Variants in PFKFB3 observed in about 807,000 individuals in gnomAD.
PFKFB3 encodes the protein 6-phosphofructo-2-kinase/fructose-2,6-bisphosphatase 3.
PFKFB3 carries 33 observed loss-of-function variants against 68.0 expected under a neutral mutation model. The ratio of observed to expected loss-of-function variants is 0.49; its 90% confidence interval spans 0.37 to 0.65. PFKFB3 has a LOEUF of 0.65. Ranked by LOEUF, PFKFB3 falls within the 30% of genes least tolerant of loss-of-function variation. The pLI, the probability that PFKFB3 is intolerant of heterozygous loss-of-function variation, is 0.00. For missense variants in PFKFB3, 586 were observed against 712.2 expected, an observed-to-expected ratio of 0.82 and a Z score of 2.02; for synonymous variants, 315 against 288.2, an observed-to-expected ratio of 1.09 and a Z score of -0.94.
chr10:6,306,762 G>A, the PFKFB3 span, among the ~76,000 whole-genome samples: 1 of 152,166 alleles, frequency 6.6e-6, no homozygotes, highest in East Asian at 1.9e-4. Flanking sequence ...TCAGGGACCT[G>A]CCAAAGATGT....
chr10:6,318,625 G>A, the PFKFB3 span, among the ~76,000 whole-genome samples: 144 of 152,298 alleles, frequency 9.5e-4, no homozygotes, highest in African/African-American at 3.4e-3. Context: ...ACGAAGATTT[G>A]TCTGCTGCAG....
chr10:6,207,056 A>G lies in PFKFB3; in HGVS notation c.76+3720A>G, dbSNP rs372205525. Among the ~76,000 whole-genome samples, 4 of 152,074 alleles carry G rather than the reference A, an allele frequency of 2.6e-5. No individual in the cohort carries two copies. The East Asian group carries it at 7.8e-4, about 30-fold the overall frequency. On this transcript the variant is annotated intron_variant, in intron 1 of 14. Coordinates refer to ENST00000379775, the MANE Select transcript of PFKFB3 (RefSeq NM_004566.4). The stretch of plus-strand genomic sequence containing the variant: ...GGGGTGGCGGCCGGGCAGAGGCTGC[A>G]ATCTCGGCACTTTGGGAGGCCAAGG...
chr10:6,150,137 T>G (rs536975585), intron 1 of PFKFB3, among the ~76,000 whole-genome samples: 1 of 152,242 alleles, frequency 6.6e-6, no homozygotes, highest in Non-Finnish European at 1.5e-5. Flanking sequence ...AGGCATATCT[T>G]GTCCCATAAC....
intron 14 of PFKFB3, among the ~76,000 whole-genome samples, chr10:6,227,878 C>A (rs1404716689): frequency 6.6e-6 from 1 of 152,090 alleles, no homozygotes; most frequent in African/African-American, 2.4e-5. Flanking sequence ...CTGTGGCATC[C>A]GTTCTGATGG....
At chr10:6,193,498 C>G (rs1245345409) in intron 1 of PFKFB3, among the ~76,000 whole-genome samples, 1 of 152,194 alleles carries the variant, frequency 6.6e-6, no homozygotes, top group Non-Finnish European at 1.5e-5. Flanking sequence ...TCTGGTGATT[C>G]AAAGATGAAC....
intron 1 of PFKFB3, among the ~76,000 whole-genome samples, chr10:6,171,614 A>C (rs1485586812): frequency 6.6e-6 from 1 of 152,050 alleles, no homozygotes; most frequent in East Asian, 1.9e-4. Context: ...GCTGGTCTCA[A>C]ACTCCTGGAC....
At chr10:6,323,844 G>T in the PFKFB3 span, among the ~76,000 whole-genome samples, 1 of 152,186 alleles carries the variant, frequency 6.6e-6, no homozygotes, top group Non-Finnish European at 1.5e-5. Flanking sequence ...TGGAAAATGG[G>T]ATGGTGGTTC....
At chr10:6,145,326 C>T (rs1046617232) in intron 1 of PFKFB3, among the ~76,000 whole-genome samples, 13 of 152,090 alleles carry the variant, frequency 8.5e-5, no homozygotes, top group Admixed American at 4.6e-4. Context: ...CCCCGCGTCT[C>T]CTCTGCAGCC....
the PFKFB3 span, among the ~76,000 whole-genome samples, chr10:6,295,527 ATT>A: frequency 4.3e-4 from 63 of 147,672 alleles, no homozygotes; most frequent in Middle Eastern, 3.5e-3. Context: ...CACCCAGCCA[ATT>A]TTTTTTTTTT....
intron 1 of PFKFB3, among the ~76,000 whole-genome samples, chr10:6,145,530 G>A (rs1466917473): frequency 6.6e-6 from 1 of 152,206 alleles, no homozygotes; most frequent in Admixed American, 6.5e-5. Context: ...GCGGGGCCCG[G>A]GGTCCTGAGG....
upstream of PFKFB3, among the ~76,000 whole-genome samples, chr10:6,201,753 C>T (rs941965818): frequency 4.6e-5 from 7 of 152,128 alleles, no homozygotes; most frequent in African/African-American, 1.4e-4. The surrounding 1 kb of genome is among the most constrained non-coding windows in gnomAD (Gnocchi z 4.1). Context: ...AAGTGTGCAC[C>T]TCTCTGCAAG....
At chr10:6,303,573 G>C in the PFKFB3 span, among the ~76,000 whole-genome samples, 35,621 of 152,006 alleles carry the variant, frequency 0.23, 4,208 homozygotes, top group South Asian at 0.27. Context: ...CCAGCACTTT[G>C]GGAGGCCGAG....
rs540805975 is a variant in PFKFB3, at chr10:6,154,248, AT to A, written c.16+9250del. Among the ~76,000 whole-genome samples, 356 of 142,090 alleles carry A rather than the reference AT, an allele frequency of 2.5e-3. No individual in the cohort carries two copies. The highest frequency in any genetic ancestry group is 2.3e-3 in the Admixed American group (33 of 14,280). The allele number at this position is 142,090 out of a possible 152,430, so 93.2% of individuals were successfully genotyped here. On this transcript the variant is annotated intron_variant, in intron 1 of 14. Coordinates refer to the PFKFB3 transcript ENST00000379789. The surrounding 1 kb of genome is among the most constrained non-coding windows in gnomAD (Gnocchi z 4.6). ...TTTGGTGGAGGTGTGGGCTGAATTA[AT>A]TTTTTTTTTTTTTTGAGGCAGGGTC...
At chr10:6,184,289 G>A (rs901405241) in intron 1 of PFKFB3, among the ~76,000 whole-genome samples, 1 of 152,124 alleles carries the variant, frequency 6.6e-6, no homozygotes, top group Admixed American at 6.6e-5. Flanking sequence ...CTGACCTCAG[G>A]TGATCTGCCT....
At chr10:6,189,038 A>G (rs1029137702) in intron 1 of PFKFB3, among the ~76,000 whole-genome samples, 68 of 152,180 alleles carry the variant, frequency 4.5e-4, no homozygotes, top group African/African-American at 1.6e-3. Context: ...ACGGGGTTTC[A>G]CTGTGTTAGC....
chr10:6,178,065 A>G (rs1430701230), intron 1 of PFKFB3, among the ~76,000 whole-genome samples: 2 of 152,170 alleles, frequency 1.3e-5, no homozygotes, highest in Non-Finnish European at 2.9e-5. Context: ...GAGGGAGCCA[A>G]GGCGTCCAAG....
intron 2 of PFKFB3, among the ~76,000 whole-genome samples, chr10:6,214,146 G>A (rs193101851): frequency 1.3e-5 from 2 of 152,358 alleles, no homozygotes; most frequent in East Asian, 3.9e-4. Context: ...ATGTTGGGTG[G>A]CCTGTTAGGA....
intron 14 of PFKFB3, among the ~76,000 whole-genome samples, chr10:6,246,246 A>T (rs1564233786): frequency 6.6e-6 from 1 of 152,278 alleles, no homozygotes; most frequent in East Asian, 1.9e-4. Context: ...AAAAACACAG[A>T]ACACAATCCT....
chr10:6,294,276 G>C, the PFKFB3 span: 1 of 513,696 alleles, frequency 1.9e-6, no homozygotes. Flanking sequence ...GTATTAATCT[G>C]TTCTCACACT....
Sources: allele counts gnomAD v4.1 joint callset (sites outside exome capture counted in the v4.1 genomes callset), GRCh38; gene constraint gnomAD v4.1.1; non-coding constraint Gnocchi (gnomAD v3.1); transcripts MANE v1.5; gene names NCBI Gene and HGNC (gene_info 2026-07-23, HGNC 2026-07-21).